The following SH3D21 variants were observed in gnomAD, a reference collection of about 807,000 sequenced individuals.
SH3D21 encodes the protein manchette microtubule inner protein 1.
Under a neutral mutation model 82.1 loss-of-function variants are expected in SH3D21, and 83 were observed. The observed-to-expected ratio is 1.01, with a 90% CI of 0.85 to 1.21. SH3D21 has a LOEUF of 1.21. SH3D21 is among the 50% of genes most tolerant of loss of function. The pLI is 0.00. For synonymous variants in SH3D21, 383 were observed against 387.8 expected (o/e 0.99, Z 0.15); for missense variants, 980 against 962.1 (o/e 1.02, Z -0.25).
rs1373377634 is a variant in SH3D21 at position 36,307,294 on chromosome 1, T to A, written c.345+9T>A. The A allele has an allele frequency of 6.4e-7, 1 of 1,550,864 alleles. No individual in the cohort carries two copies. Among genetic ancestry groups the A allele is most frequent in the Admixed American group, 2.0e-5 (1 of 50,900 alleles). The stretch of plus-strand genomic sequence containing the variant: ...TGGAAATGATAAAGGAGGTGAGGGG[T>A]GAGGTGATGGGACCGTTTGGGGGAG... On this transcript the variant is annotated intron_variant, in intron 4 of 15. Coordinates refer to ENST00000453908, the MANE Select transcript of SH3D21 (RefSeq NM_001162530.2). The surrounding 1 kb of genome is among the most constrained non-coding windows in gnomAD (Gnocchi z 5.4).
chr1:36,307,263 A>AGAT lies in SH3D21; in HGVS notation c.324_326dup (p.Glu108_Ile109insMet). 6.4e-7 allele frequency: 1 copy of AGAT among 1,551,756 alleles called. No homozygotes were observed. The highest frequency in any genetic ancestry group is 1.4e-5 in the African/African-American group (1 of 73,146). On this transcript the variant is annotated inframe_insertion, in exon 4 of 16. Transcript: ENST00000453908. The surrounding 1 kb of genome is among the most constrained non-coding windows in gnomAD (Gnocchi z 5.4). ...GACGAGCTGAAGCTGCAAGCTGGGG[A>AGAT]GATCGTGGAAATGATAAAGGAGGTG...
chr1:36,322,561 C>A, downstream of SH3D21: 2 of 1,592,308 alleles, frequency 1.3e-6, no homozygotes, highest in South Asian at 1.1e-5. Context: ...TCCTCGTCGT[C>A]GTCCTCGGGC....
Position 36,308,119 on chromosome 1 carries a change from T to C in SH3D21, c.549T>C (p.Pro183=), listed in dbSNP as rs1015159044. The change falls in exon 8 of 16, where the codon CCT becomes CCC. Residue 183 remains proline, a synonymous_variant. Transcript: ENST00000453908. ...PPDYLQTVSH[P]EVYRVLFDYQ... ...CTGACCTCTTCCCAGTCTCCCACCCTGAGGTCTACAGGGTCCTGTTTGACT... is the reference window on the plus strand; with the variant it reads ...CTGACCTCTTCCCAGTCTCCCACCCCGAGGTCTACAGGGTCCTGTTTGACT... The C allele has an allele frequency of 6.5e-7, 1 of 1,548,936 alleles. No homozygotes were observed. Among genetic ancestry groups the C allele is most frequent in the Non-Finnish European group, 8.7e-7 (1 of 1,145,510 alleles).
downstream of SH3D21, chr1:36,329,328 T>G (rs1159480474): frequency 6.6e-6 from 1 of 152,256 alleles, no homozygotes; most frequent in African/African-American, 2.4e-5. Context: ...GGTAAAGTTC[T>G]GAACACAATG....
In SH3D21 at chr1:36,307,866, C is replaced by T. The variant is rs1646161149; in HGVS notation, c.492+41C>T. The T allele has an allele frequency of 6.4e-7, 1 of 1,551,624 alleles. No individual in the cohort carries two copies. Among genetic ancestry groups the T allele is most frequent in the Non-Finnish European group, 8.7e-7 (1 of 1,146,998 alleles). ...GTAGGCACAGAGGTGGTGAGTTCCTCTTGGGGTGGTTGGAGGCTCATCTAG... is the reference window on the plus strand; with the variant it reads ...GTAGGCACAGAGGTGGTGAGTTCCTTTTGGGGTGGTTGGAGGCTCATCTAG... On this transcript the variant is annotated intron_variant, in intron 6 of 15. Transcript: ENST00000453908. This position sits in a 1 kb window ranked among gnomAD's most constrained non-coding sequence, Gnocchi z 5.4.
intron 10 of SH3D21, among the ~76,000 whole-genome samples, chr1:36,314,923 A>G (rs1646315282): frequency 6.6e-6 from 1 of 152,164 alleles, no homozygotes; most frequent in African/African-American, 2.4e-5. Context: ...AGTTTGCCCT[A>G]CCCTGCAGAA....
rs757174287 is a variant in SH3D21 at position 36,320,651 on chromosome 1, C to T, written c.1988C>T (p.Pro663Leu). The T allele has an allele frequency of 6.8e-6, 11 of 1,614,292 alleles. No homozygotes were observed. Among genetic ancestry groups the T allele is most frequent in the Middle Eastern group, 3.3e-4 (2 of 6,062 alleles). Residue 663 changes from proline to leucine, a missense_variant, in exon 14 of 16, where the codon CCT (proline) becomes CTT (leucine). By Grantham distance (98) the Pro-to-Leu change is moderately conservative. Coordinates refer to ENST00000453908, the MANE Select transcript of SH3D21 (RefSeq NM_001162530.2). ...CAAAAAACACGTCCTATCAAGCCGC[C>T]TCCAGACTCCCAAGAGACGCTCGCG... Reference protein sequence around the residue: ...FAQKTRPIKPPPDSQETLALP... With the variant: ...FAQKTRPIKPLPDSQETLALP...
Position 36,320,172 on chromosome 1 carries a change from C to T in SH3D21, c.1509C>T (p.Phe503=). 6.2e-7 allele frequency: 1 copy of T among 1,613,662 alleles called. No individual in the cohort carries two copies. Among genetic ancestry groups the T allele is most frequent in the African/African-American group, 1.3e-5 (1 of 75,046 alleles). Residue 503 remains phenylalanine, a synonymous_variant, in exon 14 of 16, where the codon TTC becomes TTT. Coordinates refer to ENST00000453908, the MANE Select transcript of SH3D21 (RefSeq NM_001162530.2). ...TGTCCACCAGAGATGACATTCAATTCCATCACTTCTCTTCGGAGGAAGCCC... is the reference window on the plus strand; with the variant it reads ...TGTCCACCAGAGATGACATTCAATTTCATCACTTCTCTTCGGAGGAAGCCC... The part of the protein sequence containing the change: ...EEVSTRDDIQ[F]HHFSSEEALQ...
chr1:36,320,899 C>G lies in SH3D21; in HGVS notation c.2136-16C>G. The G allele has an allele frequency of 6.4e-7, 1 of 1,557,668 alleles. No individual in the cohort carries two copies. Among genetic ancestry groups the G allele is most frequent in the Middle Eastern group, 1.7e-4 (1 of 5,996 alleles). On this transcript the variant is annotated splice_polypyrimidine_tract_variant and intron_variant, in intron 14 of 15. Coordinates refer to ENST00000453908, the MANE Select transcript of SH3D21 (RefSeq NM_001162530.2). ...CCCTCACCTGCCCAGCCCCTCACCT[C>G]CGCCTCGGCCCGCAGGAGGAAGCTG...
chr1:36,308,056 T>C, intron 7 of SH3D21, 53 bp from the exon 8 acceptor site: 1 of 1,547,754 alleles, frequency 6.5e-7, no homozygotes, highest in Non-Finnish European at 8.7e-7. Context: ...TGGGGGCTGC[T>C]GATGGATGGG....
At position 36,319,466 on chromosome 1, in the gene SH3D21, G is replaced by A. The variant is rs759183038; in HGVS notation, c.941G>A (p.Gly314Glu). The stretch of plus-strand genomic sequence containing the variant: ...GGCCCCAATGGTGGCTTCCAAAGTG[G>A]GGGTTCGTATCACCCTGGCCGAAAG... ...DSGPNGGFQSGGSYHPGRKRS... is the reference protein window; with the variant it reads ...DSGPNGGFQSEGSYHPGRKRS... Residue 314 changes from glycine to glutamate, a missense_variant, in exon 13 of 16, where the codon GGG (glycine) becomes GAG (glutamate). Coordinates refer to ENST00000453908, the MANE Select transcript of SH3D21 (RefSeq NM_001162530.2). 3 of 1,551,534 alleles carry A rather than the reference G, an allele frequency of 1.9e-6. No homozygotes were observed. The highest frequency in any genetic ancestry group is 2.6e-6 in the Non-Finnish European group (3 of 1,146,986).
downstream of SH3D21, chr1:36,322,605 G>T: frequency 6.4e-7 from 1 of 1,553,716 alleles, no homozygotes; most frequent in Admixed American, 1.9e-5. Context: ...CCGGCGCTGA[G>T]CCGGGCCCCG....
chr1:36,316,525 G>A (rs1646346472), intron 10 of SH3D21, among the ~76,000 whole-genome samples: 1 of 152,192 alleles, frequency 6.6e-6, no homozygotes, highest in African/African-American at 2.4e-5. Flanking sequence ...GTGAGCCACC[G>A]CGCCTGGCCG....
chr1:36,320,657 A>C lies in SH3D21; in HGVS notation c.1994A>C (p.Asp665Ala). The C allele has an allele frequency of 6.2e-7, 1 of 1,614,214 alleles. No homozygotes were observed. The highest frequency in any genetic ancestry group is 2.2e-5 in the East Asian group (1 of 44,884). The change falls in exon 14 of 16, where the codon GAC becomes GCC. Residue 665 changes from aspartate (D) to alanine (A), a missense_variant. Transcript: ENST00000453908. ...QKTRPIKPPPDSQETLALPSL... is the reference protein window; with the variant it reads ...QKTRPIKPPPASQETLALPSL... ...ACACGTCCTATCAAGCCGCCTCCAG[A>C]CTCCCAAGAGACGCTCGCGCTCCCC...
chr1:36,322,769 G>A, downstream of SH3D21: 1 of 1,531,448 alleles, frequency 6.5e-7, no homozygotes, highest in Non-Finnish European at 8.8e-7. Context: ...CCGGACGGGT[G>A]GGGGTTGTCC....
In SH3D21 at chr1:36,306,785, GTC is replaced by G; in HGVS notation, c.162+33_162+34del. 7.7e-7 allele frequency: 1 copy of G among 1,291,490 alleles called. No homozygotes were observed. The highest frequency in any genetic ancestry group is 1.0e-6 in the Non-Finnish European group (1 of 987,668). 80.0% of individuals were successfully genotyped at this position (1,291,490 alleles called of 1,614,324 possible). ...GGCCGAGCCAGGGGCGGGCTGTGGG[GTC>G]TCAGCGCGCGCCCCCCGGGAGCTGA... On this transcript the variant is annotated intron_variant, in intron 2 of 15. Coordinates refer to ENST00000453908, the MANE Select transcript of SH3D21 (RefSeq NM_001162530.2). The surrounding 1 kb of genome is among the most constrained non-coding windows in gnomAD (Gnocchi z 4.5).
chr1:36,309,631 G>T, intron 10 of SH3D21, 41 bp downstream of exon 10: 1 of 1,550,452 alleles, frequency 6.4e-7, no homozygotes, highest in Non-Finnish European at 8.7e-7. Flanking sequence ...GTGTTCTCTG[G>T]GAGACCCACC....
chr1:36,322,778 C>T (rs1646490146), downstream of SH3D21: 1 of 1,523,994 alleles, frequency 6.6e-7, no homozygotes, highest in Non-Finnish European at 8.9e-7. Context: ...TGGGGGTTGT[C>T]CCACTTCCGA....
downstream of SH3D21, chr1:36,323,328 G>C (rs1317650786): frequency 2.6e-6 from 1 of 390,950 alleles, no homozygotes. Context: ...CGGTTCCGCC[G>C]TCCCGGGGCG....
Sources: gnomAD v4.1 joint callset for allele counts (sites outside exome capture counted in the v4.1 genomes callset) on GRCh38, gnomAD v4.1.1 for gene constraint, Gnocchi (gnomAD v3.1) non-coding constraint, MANE v1.5 for transcripts, NCBI Gene and HGNC (gene_info 2026-07-23, HGNC 2026-07-21) for gene names.